ALPK2: variants seen among roughly 807,000 people sequenced by gnomAD.
The protein encoded by ALPK2 is alpha-protein kinase 2.
In ALPK2, 127 loss-of-function variants were observed where a neutral mutation model predicts 163.1. The observed-to-expected ratio is 0.78, with a 90% confidence interval of 0.67 to 0.90. The LOEUF (loss-of-function observed/expected upper bound fraction) is 0.90, where lower values mean the gene tolerates loss of function less well. Ranked by LOEUF, ALPK2 falls within the 40% of genes least tolerant of loss-of-function variation. The pLI is 0.00. For missense variants in ALPK2, 2,360 were observed against 2,589.6 expected, an observed-to-expected ratio of 0.91 and a Z score of 1.92; for synonymous variants, 953 against 959.1, an observed-to-expected ratio of 0.99 and a Z score of 0.12.
At chr18:58,569,057 T>C (rs560790491) in intron 4 of ALPK2, among the ~76,000 whole-genome samples, 1 of 152,196 alleles carries the variant, frequency 6.6e-6, no homozygotes, top group East Asian at 1.9e-4. Context: ...CTACTAAAAA[T>C]AGAAAAATTA....
intron 4 of ALPK2, among the ~76,000 whole-genome samples, chr18:58,574,454 A>T (rs1257208986): frequency 6.6e-6 from 1 of 151,490 alleles, no homozygotes; most frequent in Non-Finnish European, 1.5e-5. Flanking sequence ...AAAAAAAAAA[A>T]AAAAAAGATT....
chr18:58,540,819 T>A (rs79583105), intron 4 of ALPK2, among the ~76,000 whole-genome samples: 12,463 of 152,304 alleles, frequency 0.082, 621 homozygotes, highest in Non-Finnish European at 0.11. Flanking sequence ...TGTCAGGCAC[T>A]GGGCAATTTT....
At chr18:58,483,726 ATTTTTT>A (rs35380816) in intron 12 of ALPK2, among the ~76,000 whole-genome samples, 9 of 132,812 alleles carry the variant, frequency 6.8e-5, no homozygotes, top group Non-Finnish European at 6.4e-5. Context: ...AATTTTTTGT[ATTTTTT>A]TTTTTTTTTT....
intron 3 of ALPK2, among the ~76,000 whole-genome samples, chr18:58,588,353 C>G (rs569282865): frequency 1.1e-4 from 17 of 152,186 alleles, no homozygotes; most frequent in African/African-American, 4.1e-4. Context: ...CCCTTCATTA[C>G]TTTTTATCAT....
At chr18:58,528,995 T>C in intron 6 of ALPK2, 96 bp downstream of exon 6, 1 of 1,502,354 alleles carries the variant, frequency 6.7e-7, no homozygotes, top group South Asian at 1.2e-5. Flanking sequence ...ATTTTCCTTT[T>C]CACGTCCTAT....
chr18:58,524,383 C>T lies in ALPK2; in HGVS notation c.5502-321G>A, dbSNP rs578120587. Among the ~76,000 whole-genome samples the T allele has an allele frequency of 1.1e-4, 17 of 152,258 alleles. No individual in the cohort carries two copies. In the South Asian group the frequency reaches 1.2e-3, roughly 11 times the overall value. On this transcript the variant is annotated intron_variant, in intron 6 of 12. Coordinates refer to ENST00000361673, the MANE Select transcript of ALPK2 (RefSeq NM_052947.4). ...ATTCAGCTCAATTATGTGACTAATC[C>T]GGGTGTCCTGTGCTTGAAGGAAAGT...
At chr18:58,593,386 A>C (rs1241849589) in intron 3 of ALPK2, among the ~76,000 whole-genome samples, 1 of 151,426 alleles carries the variant, frequency 6.6e-6, no homozygotes, top group East Asian at 1.9e-4. Context: ...CAACATGGTG[A>C]AACCCCATCT....
At chr18:58,573,933 G>A (rs2051905114) in intron 4 of ALPK2, among the ~76,000 whole-genome samples, 1 of 152,006 alleles carries the variant, frequency 6.6e-6, no homozygotes, top group South Asian at 2.1e-4. Flanking sequence ...ACAGAAAGAT[G>A]GACCATCCAC....
At chr18:58,503,860 T>A in intron 11 of ALPK2, 71 bp downstream of exon 11, 2 of 1,417,224 alleles carry the variant, frequency 1.4e-6, no homozygotes, top group Non-Finnish European at 1.9e-6. Context: ...CTCCCTCCCC[T>A]CCCTCTCCAC....
chr18:58,567,697 C>A (rs1290395009), intron 4 of ALPK2, among the ~76,000 whole-genome samples: 1 of 152,174 alleles, frequency 6.6e-6, no homozygotes, highest in Non-Finnish European at 1.5e-5. Context: ...CAAAGGGAAC[C>A]AGAATAGCTG....
Position 58,534,985 on chromosome 18 carries a change from C to G in ALPK2, c.5202G>C (p.Arg1734Ser). The G allele has an allele frequency of 6.2e-7, 1 of 1,614,152 alleles. No individual in the cohort carries two copies. Among genetic ancestry groups the G allele is most frequent in the South Asian group, 1.1e-5 (1 of 91,076 alleles). Reference protein sequence around the residue: ...AEGVKKKILSRVAALRLKLEE... With the variant: ...AEGVKKKILSSVAALRLKLEE... Reference sequence around the variant, plus strand: ...CCAGTTTCAGCCTCAGTGCTGCCACCCTGGACAAAATTTTCTTCTTTACTC... The same window carrying G: ...CCAGTTTCAGCCTCAGTGCTGCCACGCTGGACAAAATTTTCTTCTTTACTC... Residue 1734 changes from arginine to serine, a missense_variant, in exon 5 of 13, where the codon AGG becomes AGC. Transcript: ENST00000361673.
intron 3 of ALPK2, among the ~76,000 whole-genome samples, chr18:58,592,388 C>T (rs932330370): frequency 2.6e-5 from 4 of 152,184 alleles, no homozygotes; most frequent in Non-Finnish European, 5.9e-5. Flanking sequence ...GTCACAGGGG[C>T]CTGGGCCTTC....
intron 3 of ALPK2, among the ~76,000 whole-genome samples, chr18:58,590,272 A>G (rs36061088): frequency 0.33 from 49,602 of 150,808 alleles, 8,273 homozygotes; most frequent in Admixed American, 0.38. Context: ...TTTAGATACT[A>G]TACAACCACT....
At chr18:58,503,826 G>A (rs555979594) in intron 11 of ALPK2, 105 bp downstream of exon 11, 3 of 1,021,830 alleles carry the variant, frequency 2.9e-6, no homozygotes, top group African/African-American at 1.6e-5. Context: ...GTGTTTCAAG[G>A]TACCCAGCAG....
At chr18:58,564,172 G>A (rs1602220545) in intron 4 of ALPK2, among the ~76,000 whole-genome samples, 1 of 125,554 alleles carries the variant, frequency 8.0e-6, no homozygotes, top group Non-Finnish European at 1.6e-5. Context: ...GCCCAGGCTG[G>A]AGTGCAGTGG....
intron 4 of ALPK2, among the ~76,000 whole-genome samples, chr18:58,555,376 A>T (rs913212000): frequency 6.6e-6 from 1 of 152,208 alleles, no homozygotes; most frequent in Non-Finnish European, 1.5e-5. Context: ...GGTACCCACA[A>T]TGGCTAAGTC....
chr18:58,538,090 C>T lies in ALPK2; in HGVS notation c.2097G>A (p.Lys699=), dbSNP rs747160197. The change falls in exon 5 of 13, where the codon AAG becomes AAA. Residue 699 remains lysine, a synonymous_variant. Coordinates refer to ENST00000361673, the MANE Select transcript of ALPK2 (RefSeq NM_052947.4). ...ISFSNLGGVH[K]ENASLAQHSE... The stretch of plus-strand genomic sequence containing the variant: ...AGTGTTGAGCTAATGATGCATTTTC[C>T]TTGTGGACCCCTCCTAAGTTTGAGA... The T allele has an allele frequency of 1.9e-6, 3 of 1,614,154 alleles. No homozygotes were observed. The highest frequency in any genetic ancestry group is 2.5e-6 in the Non-Finnish European group (3 of 1,180,028).
chr18:58,504,692 C>T (rs1201073639), intron 10 of ALPK2, among the ~76,000 whole-genome samples: 1 of 152,114 alleles, frequency 6.6e-6, no homozygotes, highest in Non-Finnish European at 1.5e-5. Context: ...GGGAGACTGA[C>T]AATAAACAAG....
chr18:58,619,719 TG>T (rs1291046824), intron 1 of ALPK2, among the ~76,000 whole-genome samples: 1 of 151,930 alleles, frequency 6.6e-6, no homozygotes, highest in East Asian at 1.9e-4. Context: ...CTGCACTTTT[TG>T]TTTTTTTCTA....
Sources: gnomAD v4.1 joint callset for allele counts (sites outside exome capture counted in the v4.1 genomes callset) on GRCh38, gnomAD v4.1.1 for gene constraint, MANE v1.5 for transcripts, NCBI Gene and HGNC (gene_info 2026-07-23, HGNC 2026-07-21) for gene names.